LRP12: variants seen among roughly 807,000 people sequenced by gnomAD.
LRP12 encodes the protein LDL receptor related protein 12.
A neutral mutation model predicts 66.0 loss-of-function variants in LRP12; 14 were observed. The observed-to-expected ratio is 0.21, with a 90% CI of 0.14 to 0.33. The LOEUF (loss-of-function observed/expected upper bound fraction) is 0.33. Ranked by LOEUF, LRP12 falls within the 10% of genes least tolerant of loss-of-function variation. The probability of loss-of-function intolerance (pLI) is 1.00; values close to 1 mark genes in which losing one functional copy is unlikely to be tolerated. For synonymous variants in LRP12, 357 were observed against 359.1 expected, an observed-to-expected ratio of 0.99 and a Z score of 0.07; for missense variants, 889 against 1,053.4, an observed-to-expected ratio of 0.84 and a Z score of 2.16.
intron 1 of LRP12, among the ~76,000 whole-genome samples, chr8:104,588,256 C>T (rs1002204206): frequency 6.6e-6 from 1 of 152,156 alleles, no homozygotes; most frequent in African/African-American, 2.4e-5. Context: ...CCAACAGGAC[C>T]CTGCACGCCC....
chr8:104,553,650 T>A (rs1168355949), intron 1 of LRP12, among the ~76,000 whole-genome samples: 1 of 152,174 alleles, frequency 6.6e-6, no homozygotes, highest in Non-Finnish European at 1.5e-5. Context: ...ATGATCTTTT[T>A]CTACCTGCCT....
chr8:104,577,240 T>C (rs1171413068), intron 1 of LRP12, among the ~76,000 whole-genome samples: 1 of 152,150 alleles, frequency 6.6e-6, no homozygotes, highest in African/African-American at 2.4e-5. Context: ...ACCTGACAGA[T>C]ATCTACAGAA....
Position 104,491,204 on chromosome 8 carries a change from C to T in LRP12, c.2049G>A (p.Thr683=), listed in dbSNP as rs371920844. Residue 683 remains threonine (T), a synonymous_variant, in exon 7 of 7, where the codon ACG becomes ACA. Coordinates refer to ENST00000276654, the MANE Select transcript of LRP12 (RefSeq NM_013437.5). Reference sequence around the variant, plus strand: ...ATGCTCCTACTGTCGCTTCTACTGCCGTTGTGGGAGGGACTTTTTGAGGCA... The same window carrying T: ...ATGCTCCTACTGTCGCTTCTACTGCTGTTGTGGGAGGGACTTTTTGAGGCA... ...APLPQKVPPT[T]AVEATVGACA... 1.3e-5 allele frequency: 21 copies of T among 1,613,930 alleles called. No individual in the cohort carries two copies. Among genetic ancestry groups the T allele is most frequent in the East Asian group, 4.5e-5 (2 of 44,878 alleles).
chr8:104,494,943 ACTTCAAAT>A, intron 6 of LRP12, 126 bp downstream of exon 6: 1 of 680,702 alleles, frequency 1.5e-6, no homozygotes, highest in Admixed American at 2.8e-5. Context: ...GAAAACTATG[ACTTCAAAT>A]CTTCCATACA....
intron 2 of LRP12, among the ~76,000 whole-genome samples, chr8:104,518,605 C>A (rs59313468): frequency 6.6e-6 from 1 of 151,994 alleles, no homozygotes; most frequent in African/African-American, 2.4e-5. Flanking sequence ...TATAATAACA[C>A]AGAGAAAATA....
At chr8:104,586,257 C>T (rs1270889978) in intron 1 of LRP12, among the ~76,000 whole-genome samples, 1 of 152,080 alleles carries the variant, frequency 6.6e-6, no homozygotes, top group Non-Finnish European at 1.5e-5. Flanking sequence ...ATATCAGAGC[C>T]CATAAAATCG....
intron 1 of LRP12, among the ~76,000 whole-genome samples, chr8:104,564,329 C>G (rs1211424575): frequency 6.6e-6 from 1 of 152,194 alleles, no homozygotes; most frequent in Non-Finnish European, 1.5e-5. Context: ...CCCTGAGATT[C>G]AGCATTTCTA....
In LRP12 at chr8:104,502,978, A is replaced by C. The variant is rs141594041; in HGVS notation, c.273-3459T>G. Among the ~76,000 whole-genome samples the C allele has an allele frequency of 5.9e-3, 905 of 152,288 alleles. 11 individuals are homozygous for C. Among genetic ancestry groups the C allele is most frequent in the African/African-American group, 0.02 (851 of 41,548 alleles). The stretch of plus-strand genomic sequence containing the variant: ...GGTGGGTGGATCACCTGAGGTCAGA[A>C]GTTCGAGACCAACCTGGCCAACAAG... On this transcript the variant is annotated intron_variant, in intron 3 of 6. Transcript: ENST00000276654.
chr8:104,549,415 T>C (rs1161149978), intron 1 of LRP12, among the ~76,000 whole-genome samples: 5 of 149,008 alleles, frequency 3.4e-5, no homozygotes, highest in Non-Finnish European at 7.5e-5. Context: ...TTTTTTTTTT[T>C]TTTTTGAGAC....
intron 2 of LRP12, among the ~76,000 whole-genome samples, chr8:104,529,910 A>G (rs1371300930): frequency 6.6e-6 from 1 of 152,188 alleles, no homozygotes; most frequent in East Asian, 1.9e-4. Flanking sequence ...TTCTTTTCCA[A>G]TTATACGTCA....
At chr8:104,538,209 T>C (rs1447564436) in intron 1 of LRP12, among the ~76,000 whole-genome samples, 2 of 152,302 alleles carry the variant, frequency 1.3e-5, no homozygotes, top group East Asian at 1.9e-4. Context: ...AACTGGACGG[T>C]AGGCAATCAA....
rs1200081463 is a variant in LRP12, at chr8:104,566,145, A to G, written c.79+22674T>C. 2.6e-5 allele frequency: 13 copies of G among 494,260 alleles called. No individual in the cohort carries two copies. In the Middle Eastern group the frequency reaches 1.8e-3, roughly 70 times the overall value. 30.6% of individuals were successfully genotyped at this position (494,260 alleles called of 1,614,324 possible). A position where few individuals can be genotyped will look rare whatever the true frequency, so the allele number is the denominator to read the frequency against. On this transcript the variant is annotated intron_variant, in intron 1 of 6. Coordinates refer to ENST00000276654, the MANE Select transcript of LRP12 (RefSeq NM_013437.5). ...GATTGGCTATATGCAAGAGTCCATA[A>G]GAGAGGCTGAGAATATTGTACACAA...
chr8:104,495,175 C>G lies in LRP12; in HGVS notation c.1615G>C (p.Glu539Gln). 6.2e-7 allele frequency: 1 copy of G among 1,613,762 alleles called. No individual in the cohort carries two copies. Among genetic ancestry groups the G allele is most frequent in the Non-Finnish European group, 8.5e-7 (1 of 1,179,804 alleles). ...GGAGGAGCTTCTCTTCTTAACAATTCTGCTTCCACTCTTGACAACTGTGTT... is the reference window on the plus strand; with the variant it reads ...GGAGGAGCTTCTCTTCTTAACAATTGTGCTTCCACTCTTGACAACTGTGTT... ...FETQLSRVEA[E>Q]LLRREAPPSY... Residue 539 changes from glutamate to glutamine, a missense_variant, in exon 6 of 7, where the codon GAA (glutamate) becomes CAA (glutamine). Physicochemically the swap from Glu to Gln is conservative, Grantham distance 29 (BLOSUM62 2). This residue lies in a region of LRP12 where 800 missense variants were observed against 964.5 expected (regional missense o/e 0.83). Transcript: ENST00000276654.
At chr8:104,546,986 T>G (rs1271973078) in intron 1 of LRP12, among the ~76,000 whole-genome samples, 1 of 144,340 alleles carries the variant, frequency 6.9e-6, no homozygotes, top group African/African-American at 2.6e-5. Flanking sequence ...CTATACATTT[T>G]GTATATAATA....
intron 2 of LRP12, 58 bp from the exon 3 acceptor site, chr8:104,509,132 A>C: frequency 6.7e-7 from 1 of 1,498,302 alleles, no homozygotes; most frequent in South Asian, 1.4e-5. Flanking sequence ...GGTATTAGGT[A>C]AATCAGTGTT....
intron 3 of LRP12, among the ~76,000 whole-genome samples, chr8:104,500,020 G>C (rs1444666662): frequency 6.6e-6 from 1 of 152,154 alleles, no homozygotes; most frequent in Non-Finnish European, 1.5e-5. Flanking sequence ...ACTGAAAAAG[G>C]AACACACGAA....
rs538596932 is a variant in LRP12, at chr8:104,507,263, C to G, written c.272+1676G>C. On this transcript the variant is annotated intron_variant, in intron 3 of 6. Coordinates refer to ENST00000276654, the MANE Select transcript of LRP12 (RefSeq NM_013437.5). ...AAAGAATCTGAACAATTACTAAAAT[C>G]ACCTTCTGATCTGTATACATCGAAA... 4.6e-5 allele frequency: 7 copies of G among 152,304 alleles called. No homozygotes were observed. The East Asian group carries it at 1.3e-3, about 29-fold the overall frequency. The allele number at this position is 152,304 out of a possible 1,614,324, so 9.4% of individuals were successfully genotyped here. A position where few individuals can be genotyped will look rare whatever the true frequency, so the allele number is the denominator to read the frequency against.
chr8:104,534,229 T>C (rs1331850426), intron 1 of LRP12, among the ~76,000 whole-genome samples: 2 of 152,084 alleles, frequency 1.3e-5, no homozygotes, highest in Admixed American at 6.6e-5. Context: ...TAAAGTATGA[T>C]TTAATTTTAA....
intron 1 of LRP12, among the ~76,000 whole-genome samples, chr8:104,532,874 G>C (rs1037174241): frequency 6.6e-6 from 1 of 152,102 alleles, no homozygotes; most frequent in African/African-American, 2.4e-5. Context: ...TCCTGATACA[G>C]AGGAGGCGCA....
Sources: gnomAD v4.1 joint callset for allele counts (sites outside exome capture counted in the v4.1 genomes callset) on GRCh38, gnomAD v4.1.1 for gene constraint, gnomAD v4.1.1 regional missense constraint, MANE v1.5 for transcripts, NCBI Gene and HGNC (gene_info 2026-07-23, HGNC 2026-07-21) for gene names.